PLCG1: variants seen among roughly 807,000 people sequenced by gnomAD.
The protein encoded by PLCG1 is phospholipase C gamma 1, also known as 1-phosphatidylinositol 4,5-bisphosphate phosphodiesterase gamma-1.
Under a neutral mutation model 177.8 loss-of-function variants are expected in PLCG1, and 71 were observed. The ratio of observed to expected loss-of-function variants is 0.40; its 90% CI spans 0.33 to 0.49. The LOEUF (loss-of-function observed/expected upper bound fraction) is 0.49. Ranked by LOEUF, PLCG1 falls within the 20% of genes least tolerant of loss-of-function variation. The pLI is 0.72. For synonymous variants in PLCG1, 658 were observed against 647.9 expected (o/e 1.02, Z -0.24); for missense variants, 1,281 against 1,709.0 (o/e 0.75, Z 4.42).
rs1341749800 is a variant in PLCG1 at position 41,163,314 on chromosome 20, T to C, written c.789+39T>C. On this transcript the variant is annotated intron_variant, in intron 8 of 31. Transcript: ENST00000685551. This position sits in a 1 kb window ranked among gnomAD's most constrained non-coding sequence, Gnocchi z 5.2. ...GACATTGGCCCAGGCTGGTAGGTTG[T>C]GGGGGGCTGGGCTCATCCCTGACTG... 2 of 1,595,014 alleles carry C rather than the reference T, an allele frequency of 1.3e-6. No homozygotes were observed. Among genetic ancestry groups the C allele is most frequent in the African/African-American group, 2.7e-5 (2 of 74,142 alleles).
Position 41,162,739 on chromosome 20 carries a change from C to T in PLCG1, c.681+14C>T, listed in dbSNP as rs999609507. 3 of 1,598,618 alleles carry T rather than the reference C, an allele frequency of 1.9e-6. No homozygotes were observed. The highest frequency in any genetic ancestry group is 1.7e-5 in the Admixed American group (1 of 59,356). ...GCCCAGAAGACGGTGCATGAGCCAC[C>T]TGCCCTCCCTCAACCCCTGCCCCTG... On this transcript the variant is annotated intron_variant, in intron 6 of 31. Coordinates refer to ENST00000685551, the MANE Select transcript of PLCG1 (RefSeq NM_002660.3).
chr20:41,144,638 G>T lies in PLCG1; in HGVS notation c.217+6780G>T, dbSNP rs2034942353. On this transcript the variant is annotated intron_variant, in intron 1 of 31. Coordinates refer to ENST00000685551, the MANE Select transcript of PLCG1 (RefSeq NM_002660.3). This position sits in a 1 kb window ranked among gnomAD's most constrained non-coding sequence, Gnocchi z 4.1. The stretch of plus-strand genomic sequence containing the variant: ...AGAACATGGGAACCTGGGGCTCCAT[G>T]CCCCAAATATCCTGAGAAGGGCTTT... 6.6e-6 allele frequency among the ~76,000 whole-genome samples: 1 copy of T among 152,204 alleles called. No individual in the cohort carries two copies. Among genetic ancestry groups the T allele is most frequent in the South Asian group, 2.1e-4 (1 of 4,834 alleles).
At position 41,163,633 on chromosome 20, in the gene PLCG1, T is replaced by C. The variant is rs2035587583; in HGVS notation, c.892-82T>C. On this transcript the variant is annotated intron_variant, in intron 9 of 31. Coordinates refer to ENST00000685551, the MANE Select transcript of PLCG1 (RefSeq NM_002660.3). This position sits in a 1 kb window ranked among gnomAD's most constrained non-coding sequence, Gnocchi z 5.2. ...CACCCCCAGTTGGGACAGAGCACTC[T>C]CTCTCCTACCCCCAACCTACCATCT... The C allele has an allele frequency of 6.2e-6, 7 of 1,124,902 alleles. No homozygotes were observed. The East Asian group carries it at 1.4e-4, about 23-fold the overall frequency. The allele number at this position is 1,124,902 out of a possible 1,614,324, so 69.7% of individuals were successfully genotyped here. A position where few individuals can be genotyped will look rare whatever the true frequency, so the allele number is the denominator to read the frequency against.
intron 4 of PLCG1, 139 bp from the exon 5 acceptor site, chr20:41,162,313 T>C: frequency 1.8e-6 from 1 of 556,814 alleles, no homozygotes; most frequent in South Asian, 1.8e-5. Context: ...CCCCATGGGT[T>C]CTGATCCAGT....
Position 41,151,727 on chromosome 20 carries a change from T to G in PLCG1, c.218-7879T>G, listed in dbSNP as rs947521512. Among the ~76,000 whole-genome samples, 1 of 152,188 alleles carries G rather than the reference T, an allele frequency of 6.6e-6. No individual in the cohort carries two copies. Among genetic ancestry groups the G allele is most frequent in the African/African-American group, 2.4e-5 (1 of 41,436 alleles). ...AGGCTTTGGGCATATGCAGCCAGCT[T>G]GGAAATGCTGACCATCCTGTGACCT... On this transcript the variant is annotated intron_variant, in intron 1 of 31. Transcript: ENST00000685551. This position sits in a 1 kb window ranked among gnomAD's most constrained non-coding sequence, Gnocchi z 5.5.
intron 22 of PLCG1, 58 bp from the exon 23 acceptor site, chr20:41,169,399 C>A: frequency 7.7e-7 from 1 of 1,302,780 alleles, no homozygotes; most frequent in Non-Finnish European, 1.1e-6. Flanking sequence ...ACACGGATAT[C>A]CCCTCACACA....
chr20:41,172,209 T>C lies in PLCG1; in HGVS notation c.2825T>C (p.Ile942Thr), dbSNP rs1294493402. Residue 942 changes from isoleucine (I) to threonine (T), a missense_variant, in exon 25 of 32, where the codon ATA (isoleucine) becomes ACA (threonine). Around this residue, in one of 4 missense-constraint regions of PLCG1, gnomAD observed 723 missense variants for 1,030.0 expected, o/e 0.70. Transcript: ENST00000685551. This position sits in a 1 kb window ranked among gnomAD's most constrained non-coding sequence, Gnocchi z 7.0. ...TGTCACCAGCTCACTGAAGGGAAGATAATGGAACGGAGGAAGAAGATTGCC... is the reference window on the plus strand; with the variant it reads ...TGTCACCAGCTCACTGAAGGGAAGACAATGGAACGGAGGAAGAAGATTGCC... ...TADARLTEGK[I>T]MERRKKIALE... The C allele has an allele frequency of 6.2e-7, 1 of 1,613,538 alleles. No homozygotes were observed. Among genetic ancestry groups the C allele is most frequent in the Non-Finnish European group, 8.5e-7 (1 of 1,179,544 alleles).
rs1046473537 is a variant in PLCG1 at position 41,162,988 on chromosome 20, C to G, written c.712C>G (p.Leu238Val). 3 of 1,613,904 alleles carry G rather than the reference C, an allele frequency of 1.9e-6. No individual in the cohort carries two copies. The highest frequency in any genetic ancestry group is 2.5e-6 in the Non-Finnish European group (3 of 1,179,922). ...CCTCCCCTTCTTGGAAGCCAGTACT[C>G]TGAGGTTTGGTTTGGAGTGGGGAGG... ...MDLPFLEAST[L>V]RAGERPELCR... Residue 238 changes from leucine to valine, a missense_variant, in exon 7 of 32, where the codon CTG (leucine) becomes GTG (valine). Leu to Val is a conservative substitution (Grantham distance 32). Transcript: ENST00000685551.
At chr20:41,161,526 T>C (rs2146035165) in intron 4 of PLCG1, among the ~76,000 whole-genome samples, 1 of 152,222 alleles carries the variant, frequency 6.6e-6, no homozygotes, top group Admixed American at 6.5e-5. Flanking sequence ...GGCCTCTGTT[T>C]CCTCACTGGA....
chr20:41,143,640 A>G (rs566171507), intron 1 of PLCG1, among the ~76,000 whole-genome samples: 6 of 152,316 alleles, frequency 3.9e-5, no homozygotes, highest in African/African-American at 1.4e-4. Flanking sequence ...CATTGACCAG[A>G]TAGTCCCACC....
Position 41,157,122 on chromosome 20 carries a change from T to TA in PLCG1, c.218-2483dup, listed in dbSNP as rs1255988008. Among the ~76,000 whole-genome samples, 3 of 152,154 alleles carry TA rather than the reference T, an allele frequency of 2.0e-5. No homozygotes were observed. The highest frequency in any genetic ancestry group is 2.0e-4 in the Admixed American group (3 of 15,280). On this transcript the variant is annotated intron_variant, in intron 1 of 31. Coordinates refer to ENST00000685551, the MANE Select transcript of PLCG1 (RefSeq NM_002660.3). This position sits in a 1 kb window ranked among gnomAD's most constrained non-coding sequence, Gnocchi z 5.4. ...GCCTGGCGTGGAGCTGCGCTATGCT[T>TA]ACCTGGTTCCTATCTCAGGCACCTG...
In PLCG1 at chr20:41,166,452, G is replaced by T; in HGVS notation, c.2001-24G>T. ...GGCAGGGCCATGGGTGGTGCTGGCC[G>T]GGCCTGACTCTGCCTGTTCTCAGGT... On this transcript the variant is annotated intron_variant, in intron 17 of 31. Coordinates refer to ENST00000685551, the MANE Select transcript of PLCG1 (RefSeq NM_002660.3). This position sits in a 1 kb window ranked among gnomAD's most constrained non-coding sequence, Gnocchi z 8.6. 1.2e-6 allele frequency: 2 copies of T among 1,613,896 alleles called. No individual in the cohort carries two copies. Among genetic ancestry groups the T allele is most frequent in the East Asian group, 2.2e-5 (1 of 44,872 alleles).
intron 22 of PLCG1, 52 bp from the exon 23 acceptor site, chr20:41,169,403 TCA>T: frequency 3.7e-6 from 5 of 1,355,856 alleles, no homozygotes; most frequent in African/African-American, 1.4e-5. Flanking sequence ...GGATATCCCC[TCA>T]CACACATATG....
chr20:41,143,286 T>C (rs796308627), intron 1 of PLCG1, among the ~76,000 whole-genome samples: 4 of 152,366 alleles, frequency 2.6e-5, no homozygotes, highest in African/African-American at 9.6e-5. Flanking sequence ...CTCTTCTTAC[T>C]CTGTGCCTTT....
At position 41,172,090 on chromosome 20, in the gene PLCG1, G is replaced by T; in HGVS notation, c.2809-103G>T. On this transcript the variant is annotated intron_variant, in intron 24 of 31. Coordinates refer to ENST00000685551, the MANE Select transcript of PLCG1 (RefSeq NM_002660.3). The surrounding 1 kb of genome is among the most constrained non-coding windows in gnomAD (Gnocchi z 7.0). ...AGGTACAGGGGAAGGTGGGAGAGGG[G>T]CCCAGAGCACCTGCAGTGTGGGCAT... 1.2e-6 allele frequency: 1 copy of T among 839,020 alleles called. No homozygotes were observed. The highest frequency in any genetic ancestry group is 2.1e-6 in the Non-Finnish European group (1 of 477,908). The allele number at this position is 839,020 out of a possible 1,614,324, so 52.0% of individuals were successfully genotyped here. A position where few individuals can be genotyped will look rare whatever the true frequency, so the allele number is the denominator to read the frequency against.
chr20:41,173,100 T>A lies in PLCG1; in HGVS notation c.3279+223T>A, dbSNP rs1283387778. 3.9e-5 allele frequency among the ~76,000 whole-genome samples: 6 copies of A among 152,174 alleles called. No individual in the cohort carries two copies. The highest frequency in any genetic ancestry group is 7.3e-5 in the Non-Finnish European group (5 of 68,034). On this transcript the variant is annotated intron_variant, in intron 27 of 31. Coordinates refer to ENST00000685551, the MANE Select transcript of PLCG1 (RefSeq NM_002660.3). The surrounding 1 kb of genome is among the most constrained non-coding windows in gnomAD (Gnocchi z 6.2). ...GACTTGTTCTGATGACTTGTTTTGT[T>A]CTGATGAGATCTTTTTTTTCCCTAA...
chr20:41,171,682 A>G (rs1478959449), intron 24 of PLCG1, among the ~76,000 whole-genome samples: 2 of 151,056 alleles, frequency 1.3e-5, no homozygotes, highest in African/African-American at 2.4e-5. Flanking sequence ...GAGATTTGGC[A>G]TGGAGATTTG....
chr20:41,172,371 A>G lies in PLCG1; in HGVS notation c.2906-50A>G, dbSNP rs372347242. ...AAAAGAGTATTTAGGTATCCCCCCA[A>G]CACTTCCTGGGTGGGCGGGCTCTGT... On this transcript the variant is annotated intron_variant, in intron 25 of 31. Transcript: ENST00000685551. The surrounding 1 kb of genome is among the most constrained non-coding windows in gnomAD (Gnocchi z 7.0). The G allele has an allele frequency of 1.6e-5, 26 of 1,587,850 alleles. No individual in the cohort carries two copies. In the South Asian group the frequency reaches 2.0e-4, roughly 12 times the overall value.
Position 41,172,774 on chromosome 20 carries a change from A to T in PLCG1, c.3176A>T (p.His1059Leu). The T allele has an allele frequency of 6.2e-7, 1 of 1,614,178 alleles. No individual in the cohort carries two copies. Among genetic ancestry groups the T allele is most frequent in the Middle Eastern group, 1.6e-4 (1 of 6,062 alleles). Residue 1059 changes from histidine to leucine, a missense_variant, in exon 27 of 32, where the codon CAC becomes CTC. Physicochemically the swap from His to Leu is moderately conservative, Grantham distance 99. Around this residue, in one of 4 missense-constraint regions of PLCG1, gnomAD observed 723 missense variants for 1,030.0 expected, o/e 0.70. Coordinates refer to ENST00000685551, the MANE Select transcript of PLCG1 (RefSeq NM_002660.3). This position sits in a 1 kb window ranked among gnomAD's most constrained non-coding sequence, Gnocchi z 7.0. The stretch of plus-strand genomic sequence containing the variant: ...CAGGCCCTCTTCATGACGGGCAGGC[A>T]CTGTGGCTACGTGCTGCAGCCAAGC... ...MNQALFMTGRHCGYVLQPSTM... is the reference protein window; with the variant it reads ...MNQALFMTGRLCGYVLQPSTM...
Sources: gnomAD v4.1 joint callset for allele counts (sites outside exome capture counted in the v4.1 genomes callset) on GRCh38, gnomAD v4.1.1 for gene constraint, gnomAD v4.1.1 regional missense constraint, Gnocchi (gnomAD v3.1) non-coding constraint, MANE v1.5 for transcripts, NCBI Gene and HGNC (gene_info 2026-07-23, HGNC 2026-07-21) for gene names.